KAZN: variants seen among roughly 807,000 people sequenced by gnomAD.
KAZN encodes kazrin.
In KAZN, 40 loss-of-function variants were observed where a neutral mutation model predicts 87.4. The observed-to-expected ratio is 0.46, with a 90% CI of 0.36 to 0.60. The LOEUF (loss-of-function observed/expected upper bound fraction) is 0.60. KAZN is among the 20% of genes least tolerant of loss of function. The probability of loss-of-function intolerance (pLI) is 0.00; values close to 1 mark genes in which losing one functional copy is unlikely to be tolerated. For synonymous variants in KAZN, 466 were observed against 458.3 expected, an observed-to-expected ratio of 1.02 and a Z score of -0.22; for missense variants, 898 against 1,073.9, an observed-to-expected ratio of 0.84 and a Z score of 2.29.
intron 1 of KAZN, among the ~76,000 whole-genome samples, chr1:14,874,188 C>T (rs1320730880): frequency 6.6e-6 from 1 of 152,070 alleles, no homozygotes; most frequent in Non-Finnish European, 1.5e-5. Context: ...CAAGTGAGTA[C>T]AGATAGAGAA....
intron 1 of KAZN, among the ~76,000 whole-genome samples, chr1:14,149,190 C>T (rs1385201354): frequency 1.3e-5 from 2 of 149,358 alleles, no homozygotes; most frequent in Non-Finnish European, 3.0e-5. Flanking sequence ...CAACCTCCGC[C>T]TCCTGGGTTT....
At position 15,101,546 on chromosome 1, in the gene KAZN, G is replaced by A; in HGVS notation, c.1551G>A (p.Leu517=). 6.4e-7 allele frequency: 1 copy of A among 1,551,550 alleles called. No homozygotes were observed. ...DYRDAEAGRS[L]SKAAELDHHW... is the part of the protein sequence containing the mutation. Reference sequence around the variant, plus strand: ...TCTGGCTATGTCTCCTCCCCAGCCTGTCCAAAGCTGCCGAGCTGGACCATC... The same window carrying A: ...TCTGGCTATGTCTCCTCCCCAGCCTATCCAAAGCTGCCGAGCTGGACCATC... Residue 517 remains leucine (L), a synonymous_variant, in exon 11 of 15, where the codon CTG becomes CTA. Transcript: ENST00000376030.
At chr1:14,767,466 T>C (rs1312298152) in intron 1 of KAZN, among the ~76,000 whole-genome samples, 1 of 152,228 alleles carries the variant, frequency 6.6e-6, no homozygotes, top group Non-Finnish European at 1.5e-5. Flanking sequence ...CAAGCCTTTT[T>C]TTCCCAGGGG....
At chr1:13,938,642 A>C (rs1175160718) in intron 1 of KAZN, among the ~76,000 whole-genome samples, 1 of 152,216 alleles carries the variant, frequency 6.6e-6, no homozygotes, top group East Asian at 1.9e-4. Flanking sequence ...GTGGCGAAGG[A>C]AAACGTGGGA....
chr1:14,569,313 TCC>T (rs1192704262), intron 2 of KAZN, among the ~76,000 whole-genome samples: 2 of 138,098 alleles, frequency 1.4e-5, no homozygotes, highest in African/African-American at 5.5e-5. Flanking sequence ...CTCCTCTACT[TCC>T]TCTGCTTTTT....
chr1:15,055,226 C>T (rs943866795), intron 4 of KAZN, among the ~76,000 whole-genome samples: 16 of 152,184 alleles, frequency 1.1e-4, no homozygotes, highest in African/African-American at 3.9e-4. Flanking sequence ...CCTGTATTCC[C>T]AGCACTTTGG....
At chr1:13,961,600 A>G (rs1432157906) in intron 1 of KAZN, among the ~76,000 whole-genome samples, 1 of 152,204 alleles carries the variant, frequency 6.6e-6, no homozygotes, top group East Asian at 1.9e-4. Flanking sequence ...ATACAGTGGT[A>G]CAAGTAGATG....
Position 14,950,329 on chromosome 1 carries a change from A to G in KAZN, c.227-10355A>G, listed in dbSNP as rs1047094625. 1.1e-4 allele frequency among the ~76,000 whole-genome samples: 17 copies of G among 151,354 alleles called. 1 individual carries two copies. The highest frequency in any genetic ancestry group is 4.1e-4 in the African/African-American group (17 of 41,332). ...TGCAACCCTGGGGACTGAGGGAGGG[A>G]TGGGAGGGTCCGTTTGGCAAATGGG... On this transcript the variant is annotated intron_variant, in intron 1 of 14. Coordinates refer to ENST00000376030, the MANE Select transcript of KAZN (RefSeq NM_201628.3).
chr1:14,217,962 T>G (rs561185447), intron 2 of KAZN, among the ~76,000 whole-genome samples: 6 of 152,252 alleles, frequency 3.9e-5, no homozygotes, highest in African/African-American at 1.4e-4. Context: ...CATGAAGGGC[T>G]CAGGCAAACT....
intron 2 of KAZN, among the ~76,000 whole-genome samples, chr1:14,564,683 G>T (rs1440420421): frequency 6.6e-6 from 1 of 150,482 alleles, no homozygotes; most frequent in Non-Finnish European, 1.5e-5. Context: ...AGTGGTGGTA[G>T]GCACCTGTAA....
intron 2 of KAZN, among the ~76,000 whole-genome samples, chr1:14,291,564 G>A (rs1245078682): frequency 6.6e-6 from 1 of 152,178 alleles, no homozygotes; most frequent in Non-Finnish European, 1.5e-5. Context: ...GGGTGGGAGT[G>A]TCTCAATTTT....
intron 1 of KAZN, among the ~76,000 whole-genome samples, chr1:14,952,278 C>G (rs375433530): frequency 8.5e-5 from 8 of 94,136 alleles, no homozygotes; most frequent in South Asian, 3.2e-4. Flanking sequence ...GTGTGTGTGT[C>G]TCAAGCAAAC....
chr1:14,388,027 T>C (rs1662089688), intron 2 of KAZN, among the ~76,000 whole-genome samples: 1 of 152,190 alleles, frequency 6.6e-6, no homozygotes, highest in African/African-American at 2.4e-5. Flanking sequence ...TGTGCCGTTT[T>C]TTAAGCCCAT....
intron 1 of KAZN, among the ~76,000 whole-genome samples, chr1:14,736,295 GTGTGTA>G (rs1297627517): frequency 6.9e-4 from 89 of 128,586 alleles, no homozygotes; most frequent in African/African-American, 1.4e-3. Flanking sequence ...GTGTGTGTGT[GTGTGTA>G]TATTTTTTTT....
chr1:14,713,942 C>T (rs1469320129), intron 1 of KAZN, among the ~76,000 whole-genome samples: 4 of 151,898 alleles, frequency 2.6e-5, no homozygotes, highest in Admixed American at 2.0e-4. Context: ...GGCAACAGAG[C>T]GAGATCCTGT....
chr1:15,094,529 T>G lies in KAZN; in HGVS notation c.1428+144T>G. ...GCTAGCCAATGCAATCAGCCTCTGA[T>G]GTACCTGCTCATTGTGCCTCCCTGG... On this transcript the variant is annotated intron_variant, in intron 9 of 14. Transcript: ENST00000376030. This position sits in a 1 kb window ranked among gnomAD's most constrained non-coding sequence, Gnocchi z 4.5. The G allele has an allele frequency of 1.3e-6, 1 of 778,662 alleles. No individual in the cohort carries two copies. 48.2% of individuals were successfully genotyped at this position (778,662 alleles called of 1,614,324 possible). A position where few individuals can be genotyped will look rare whatever the true frequency, so the allele number is the denominator to read the frequency against.
intron 1 of KAZN, among the ~76,000 whole-genome samples, chr1:14,823,322 G>A (rs1370265985): frequency 6.6e-6 from 1 of 152,174 alleles, no homozygotes; most frequent in Non-Finnish European, 1.5e-5. Context: ...CTCTGGGAGG[G>A]AAGGGGGCCG....
At chr1:14,595,268 C>T (rs1572007741), upstream of KAZN, among the ~76,000 whole-genome samples, 1 of 152,162 alleles carries the variant, frequency 6.6e-6, no homozygotes, top group African/African-American at 2.4e-5. Flanking sequence ...AAGGGGGATG[C>T]CGTGGTGCAG....
intron 2 of KAZN, among the ~76,000 whole-genome samples, chr1:14,418,143 T>C (rs931576791): frequency 6.7e-6 from 1 of 148,408 alleles, no homozygotes; most frequent in South Asian, 2.2e-4. Context: ...GTGGGTCCAA[T>C]GGAGGCAAGA....
Sources: allele counts gnomAD v4.1 joint callset (sites outside exome capture counted in the v4.1 genomes callset), GRCh38; gene constraint gnomAD v4.1.1; non-coding constraint Gnocchi (gnomAD v3.1); transcripts MANE v1.5; gene names NCBI Gene and HGNC (gene_info 2026-07-23, HGNC 2026-07-21).